METTL25: variants seen among roughly 807,000 people sequenced by gnomAD.
METTL25 encodes the protein methyltransferase like 25.
A neutral mutation model predicts 71.6 loss-of-function variants in METTL25; 64 were observed. The observed-to-expected ratio is 0.89, with a 90% confidence interval of 0.73 to 1.10. The LOEUF is 1.10. METTL25 is among the 50% of genes least tolerant of loss of function. METTL25 has a pLI of 0.00. For synonymous variants in METTL25, 287 were observed against 250.3 expected (o/e 1.15, Z -1.38); for missense variants, 807 against 707.0 (o/e 1.14, Z -1.60).
intron 9 of METTL25, among the ~76,000 whole-genome samples, chr12:82,459,534 G>A (rs1447735248): frequency 6.6e-6 from 1 of 152,218 alleles, no homozygotes; most frequent in Non-Finnish European, 1.5e-5. Context: ...AGCTGAGGCA[G>A]GTGGATTGCT....
intron 5 of METTL25, among the ~76,000 whole-genome samples, chr12:82,404,706 G>C (rs1045247596): frequency 6.6e-6 from 1 of 152,116 alleles, no homozygotes; most frequent in African/African-American, 2.4e-5. Flanking sequence ...AATTTGGGAG[G>C]CCGAGGCAGG....
intron 8 of METTL25, among the ~76,000 whole-genome samples, chr12:82,444,909 G>A (rs929905571): frequency 2.0e-5 from 3 of 152,042 alleles, no homozygotes; most frequent in Non-Finnish European, 2.9e-5. Flanking sequence ...TGGAAACCAG[G>A]TATTGCTATA....
At chr12:82,391,350 GT>G (rs1383668209) in intron 3 of METTL25, among the ~76,000 whole-genome samples, 1 of 151,996 alleles carries the variant, frequency 6.6e-6, no homozygotes, top group Non-Finnish European at 1.5e-5. Context: ...TTCCTATGGG[GT>G]TGGTTTTACA....
intron 9 of METTL25, chr12:82,460,054 A>C (rs1289918765): frequency 6.6e-6 from 1 of 152,154 alleles, no homozygotes; most frequent in East Asian, 1.9e-4. Flanking sequence ...CCTAGCCAAG[A>C]ACCTTCAGTC....
chr12:82,412,321 A>G (rs942917117), intron 5 of METTL25, among the ~76,000 whole-genome samples: 1 of 152,130 alleles, frequency 6.6e-6, no homozygotes, highest in African/African-American at 2.4e-5. Context: ...AATCTATTCA[A>G]TTGATTTCAT....
intron 3 of METTL25, among the ~76,000 whole-genome samples, chr12:82,391,300 A>G (rs922963912): frequency 2.0e-5 from 3 of 152,204 alleles, no homozygotes; most frequent in South Asian, 4.1e-4. Context: ...GAAGTGGCCA[A>G]AACATAATGT....
At chr12:82,365,808 C>G (rs567831536) in intron 1 of METTL25, among the ~76,000 whole-genome samples, 3 of 144,620 alleles carry the variant, frequency 2.1e-5, no homozygotes, top group African/African-American at 7.4e-5. Context: ...CTCGGCCGGG[C>G]GCGGTGGCTC....
intron 9 of METTL25, among the ~76,000 whole-genome samples, chr12:82,462,539 A>G (rs983834505): frequency 2.6e-5 from 4 of 152,190 alleles, no homozygotes; most frequent in African/African-American, 7.2e-5. Context: ...ACATGAGACC[A>G]TGAATATACT....
chr12:82,435,111 A>T (rs1170118742), intron 7 of METTL25, among the ~76,000 whole-genome samples: 1 of 151,374 alleles, frequency 6.6e-6, no homozygotes, highest in South Asian at 2.1e-4. Context: ...TGTTTGATAA[A>T]TTTTTTCTTT....
chr12:82,394,772 GTTAA>G (rs1885925955), intron 3 of METTL25, among the ~76,000 whole-genome samples: 2 of 151,954 alleles, frequency 1.3e-5, no homozygotes, highest in Admixed American at 6.6e-5. Context: ...TCTGGGGATA[GTTAA>G]TTAAAGTTTT....
At chr12:82,440,015 C>A (rs1311197495) in intron 8 of METTL25, among the ~76,000 whole-genome samples, 1 of 151,920 alleles carries the variant, frequency 6.6e-6, no homozygotes, top group Non-Finnish European at 1.5e-5. Flanking sequence ...GACTTTTCTT[C>A]CTTAGCCCCA....
intron 1 of METTL25, among the ~76,000 whole-genome samples, chr12:82,364,832 A>G (rs1252882839): frequency 6.6e-6 from 1 of 152,084 alleles, no homozygotes; most frequent in African/African-American, 2.4e-5. Context: ...AAACAAATAT[A>G]TTTTTTGCCA....
At chr12:82,408,514 CAAGTA>C (rs1887282309) in intron 5 of METTL25, among the ~76,000 whole-genome samples, 1 of 151,624 alleles carries the variant, frequency 6.6e-6, no homozygotes, top group Admixed American at 6.6e-5. Context: ...AAATCTAGAA[CAAGTA>C]AAGTATGTTT....
chr12:82,476,608 C>T, intron 9 of METTL25, 36 bp from the exon 10 acceptor site: 1 of 1,321,298 alleles, frequency 7.6e-7, no homozygotes, highest in Non-Finnish European at 1.1e-6. Context: ...TATTTTTAAA[C>T]TATCGTTAAA....
intron 5 of METTL25, among the ~76,000 whole-genome samples, chr12:82,430,640 T>C (rs1792774113): frequency 6.6e-6 from 1 of 151,730 alleles, no homozygotes; most frequent in Non-Finnish European, 1.5e-5. Context: ...TTACAGAAAT[T>C]GTTTTGGCAA....
Position 82,358,678 on chromosome 12 carries a change from C to G in METTL25, c.113C>G (p.Thr38Ser), listed in dbSNP as rs116371584. 1,703 of 1,614,184 alleles carry G rather than the reference C, an allele frequency of 1.1e-3. 19 individuals carry two copies. In the African/African-American group the frequency reaches 0.021, roughly 20 times the overall value. Residue 38 changes from threonine (T) to serine (S), a missense_variant, in exon 1 of 12, where the codon ACC becomes AGC. Transcript: ENST00000248306. ...RDALSISNAH[T>S]VDFYTESVWE... ...GCCCTGTCCATTTCCAATGCACATA[C>G]CGTGGATTTCTACACAGAATCCGTG...
At chr12:82,406,590 G>T (rs1322701321) in intron 5 of METTL25, among the ~76,000 whole-genome samples, 2 of 152,072 alleles carry the variant, frequency 1.3e-5, no homozygotes, top group Non-Finnish European at 2.9e-5. Context: ...TAAGGCAGTG[G>T]TACTCTTCTT....
intron 5 of METTL25, among the ~76,000 whole-genome samples, chr12:82,422,662 A>G (rs1888623124): frequency 6.6e-6 from 1 of 152,206 alleles, no homozygotes; most frequent in Admixed American, 6.5e-5. Context: ...ATCTCAGCCC[A>G]AAATCTCCCT....
chr12:82,403,069 A>C lies in METTL25; in HGVS notation c.1218A>C (p.Gly406=), dbSNP rs201947302. ...RIFTSNSEIK[G]VCSVGCCYHL... is the part of the protein sequence containing the mutation. ...TTACCTCCAACTCTGAAATCAAGGG[A>C]GTTTGCAGTGTGGGTTGTTGCTACC... Residue 406 remains glycine (G), a synonymous_variant, in exon 5 of 12, where the codon GGA becomes GGC. Transcript: ENST00000248306. 6.2e-7 allele frequency: 1 copy of C among 1,613,434 alleles called. No homozygotes were observed.
Sources: allele counts gnomAD v4.1 joint callset (sites outside exome capture counted in the v4.1 genomes callset), GRCh38; gene constraint gnomAD v4.1.1; transcripts MANE v1.5; gene names NCBI Gene and HGNC (gene_info 2026-07-23, HGNC 2026-07-21).